Variants in VEZF1 observed in about 807,000 individuals in gnomAD.
The protein encoded by VEZF1 is vascular endothelial zinc finger 1.
Under a neutral mutation model 44.1 loss-of-function variants are expected in VEZF1, and 5 were observed. That is an observed-to-expected ratio of 0.11 (90% confidence interval 0.06 to 0.24). The LOEUF (loss-of-function observed/expected upper bound fraction) is 0.24. VEZF1 is among the 10% of genes least tolerant of loss of function. VEZF1 has a pLI of 1.00. For synonymous variants in VEZF1, 236 were observed against 233.1 expected (o/e 1.01, Z -0.11); for missense variants, 358 against 641.8 (o/e 0.56, Z 4.78).
rs2075151880 is a variant in VEZF1, at chr17:57,972,997, C to T, written c.*1476G>A. 6.6e-6 allele frequency: 1 copy of T among 152,368 alleles called. No individual in the cohort carries two copies. The highest frequency in any genetic ancestry group is 1.5e-5 in the Non-Finnish European group (1 of 68,020). 9.4% of individuals were successfully genotyped at this position (152,368 alleles called of 1,614,324 possible). A position where few individuals can be genotyped will look rare whatever the true frequency, so the allele number is the denominator to read the frequency against. ...TCTGCAAGATTAACACAACTAATTT[C>T]CATTTCTCTTAACTGCAATGATTAA... On this transcript the variant is annotated 3_prime_UTR_variant, in exon 6 of 6. Coordinates refer to ENST00000581208, the MANE Select transcript of VEZF1 (RefSeq NM_007146.3).
intron 1 of VEZF1, chr17:57,985,182 G>T: frequency 1.0e-6 from 1 of 1,000,964 alleles, no homozygotes; most frequent in South Asian, 5.1e-5. Context: ...ACAAAGTTCA[G>T]ACTTATAGCA....
intron 3 of VEZF1, among the ~76,000 whole-genome samples, chr17:57,981,153 C>G (rs982837211): frequency 1.3e-5 from 2 of 152,164 alleles, no homozygotes; most frequent in Non-Finnish European, 2.9e-5. Context: ...CACAAAATTA[C>G]TGGTGGATTA....
chr17:57,975,645 C>T (rs1226493918), intron 5 of VEZF1, among the ~76,000 whole-genome samples: 1 of 152,206 alleles, frequency 6.6e-6, no homozygotes, highest in Non-Finnish European at 1.5e-5. Context: ...CCCATTTCTT[C>T]TTGTTTCTGA....
intron 4 of VEZF1, among the ~76,000 whole-genome samples, chr17:57,979,970 C>CAAAAAAAAAAAA (rs11359148): frequency 5.8e-5 from 4 of 68,420 alleles, no homozygotes; most frequent in Non-Finnish European, 9.9e-5. Context: ...GACTCCGTCT[C>CAAAAAAAAAAAA]AAAAAAAAAA....
chr17:57,975,887 C>G (rs2075185646), intron 5 of VEZF1, among the ~76,000 whole-genome samples: 1 of 152,096 alleles, frequency 6.6e-6, no homozygotes, highest in South Asian at 2.1e-4. Flanking sequence ...AGCCTCAAAC[C>G]CTCAAGGCTC....
rs1473720327 is a variant in VEZF1 at position 57,972,909 on chromosome 17, T to C, written c.*1564A>G. 2.0e-5 allele frequency: 3 copies of C among 152,772 alleles called. No individual in the cohort carries two copies. In the East Asian group the frequency reaches 5.8e-4, roughly 29 times the overall value. The allele number at this position is 152,772 out of a possible 1,614,324, so 9.5% of individuals were successfully genotyped here. A position where few individuals can be genotyped will look rare whatever the true frequency, so the allele number is the denominator to read the frequency against. On this transcript the variant is annotated 3_prime_UTR_variant, in exon 6 of 6. Coordinates refer to ENST00000581208, the MANE Select transcript of VEZF1 (RefSeq NM_007146.3). Reference sequence around the variant, plus strand: ...TCTCAGATGCAAGGTATTTTGATGCTTGAACTGACACAGTAGGGTATAAAT... The same window carrying C: ...TCTCAGATGCAAGGTATTTTGATGCCTGAACTGACACAGTAGGGTATAAAT...
At position 57,979,144 on chromosome 17, in the gene VEZF1, T is replaced by G. The variant is rs1458746986; in HGVS notation, c.1138+8A>C. 6.2e-7 allele frequency: 1 copy of G among 1,611,814 alleles called. No homozygotes were observed. Among genetic ancestry groups the G allele is most frequent in the Non-Finnish European group, 8.5e-7 (1 of 1,179,560 alleles). On this transcript the variant is annotated splice_region_variant and intron_variant, in intron 5 of 5. Coordinates refer to ENST00000581208, the MANE Select transcript of VEZF1 (RefSeq NM_007146.3). The stretch of plus-strand genomic sequence containing the variant: ...GCCATATTTTCAACACTGGAAGCTG[T>G]GCCTTACCTTTCTTCCTTGCTTTAA...
rs188955510 is a variant in VEZF1, at chr17:57,973,409, T to A, written c.*1064A>T. ...TTAAAAAAAGATACACTCTGCATGTTCTGAAGGGGCATACACTACCTAGTT... is the reference window on the plus strand; with the variant it reads ...TTAAAAAAAGATACACTCTGCATGTACTGAAGGGGCATACACTACCTAGTT... On this transcript the variant is annotated 3_prime_UTR_variant, in exon 6 of 6. Coordinates refer to ENST00000581208, the MANE Select transcript of VEZF1 (RefSeq NM_007146.3). 2 of 152,760 alleles carry A rather than the reference T, an allele frequency of 1.3e-5. No homozygotes were observed. Among genetic ancestry groups the A allele is most frequent in the African/African-American group, 4.8e-5 (2 of 41,584 alleles). 9.5% of individuals were successfully genotyped at this position (152,760 alleles called of 1,614,324 possible).
intron 5 of VEZF1, among the ~76,000 whole-genome samples, chr17:57,977,704 C>T (rs530313691): frequency 7.9e-5 from 12 of 151,798 alleles, no homozygotes; most frequent in African/African-American, 2.9e-4. Context: ...ATTAGCTGGG[C>T]GCGGTGGCAC....
chr17:57,980,647 C>T lies in VEZF1; in HGVS notation c.932G>A (p.Ser311Asn), dbSNP rs1158919544. ...ACATGTATTACAGTTGATACTTTGG[C>T]TCTGCCCATGAGTCTTTAAGTGGCT... ...ITSHLKTHGQ[S>N]QSINCNTCKQ... Residue 311 changes from serine (S) to asparagine (N), a missense_variant, in exon 4 of 6, where the codon AGC becomes AAC. Coordinates refer to ENST00000581208, the MANE Select transcript of VEZF1 (RefSeq NM_007146.3). The T allele has an allele frequency of 6.2e-7, 1 of 1,613,458 alleles. No homozygotes were observed. The highest frequency in any genetic ancestry group is 1.3e-5 in the African/African-American group (1 of 74,912).
intron 3 of VEZF1, among the ~76,000 whole-genome samples, chr17:57,981,448 G>C (rs2075248907): frequency 6.6e-6 from 1 of 151,966 alleles, no homozygotes; most frequent in African/African-American, 2.4e-5. Flanking sequence ...TTCCAATTTG[G>C]TAATAACAAA....
At chr17:57,975,522 T>C (rs2075181379) in intron 5 of VEZF1, among the ~76,000 whole-genome samples, 3 of 152,256 alleles carry the variant, frequency 2.0e-5, no homozygotes, top group Non-Finnish European at 4.4e-5. Flanking sequence ...ATCATGTTTG[T>C]TTCAGTTTTA....
intron 1 of VEZF1, among the ~76,000 whole-genome samples, chr17:57,986,345 T>A (rs929181936): frequency 6.6e-6 from 1 of 152,144 alleles, no homozygotes; most frequent in Non-Finnish European, 1.5e-5. Context: ...CCATGCTTAA[T>A]ATGGTTTTTA....
Position 57,974,196 on chromosome 17 carries a change from T to C in VEZF1, c.*277A>G, listed in dbSNP as rs2075165593. 9 of 446,162 alleles carry C rather than the reference T, an allele frequency of 2.0e-5. No homozygotes were observed. The South Asian group carries it at 3.4e-4, about 17-fold the overall frequency. 27.6% of individuals were successfully genotyped at this position (446,162 alleles called of 1,614,324 possible). A position where few individuals can be genotyped will look rare whatever the true frequency, so the allele number is the denominator to read the frequency against. ...AGTGGGTTCTACTTATGATTGGTTT[T>C]AATTCTGGCATTTCATCTTGCCAAC... is the stretch of plus-strand genomic sequence containing the variant. On this transcript the variant is annotated 3_prime_UTR_variant, in exon 6 of 6. Coordinates refer to ENST00000581208, the MANE Select transcript of VEZF1 (RefSeq NM_007146.3).
chr17:57,986,835 T>C (rs1435776242), intron 1 of VEZF1, among the ~76,000 whole-genome samples: 1 of 152,198 alleles, frequency 6.6e-6, no homozygotes, highest in Admixed American at 6.5e-5. Flanking sequence ...GCGCCCCAGC[T>C]ACGCGTTTGG....
At chr17:57,980,343 C>A (rs1226786051) in intron 4 of VEZF1, among the ~76,000 whole-genome samples, 1 of 152,186 alleles carries the variant, frequency 6.6e-6, no homozygotes, top group Admixed American at 6.5e-5. Context: ...CATTTCTCTA[C>A]AGATTTGGGT....
rs2075320666 is a variant in VEZF1 at position 57,988,193 on chromosome 17, C to T, written c.-82G>A. The T allele has an allele frequency of 3.4e-6, 1 of 293,172 alleles. No individual in the cohort carries two copies. Among genetic ancestry groups the T allele is most frequent in the Non-Finnish European group, 5.9e-6 (1 of 169,530 alleles). The allele number at this position is 293,172 out of a possible 1,614,324, so 18.2% of individuals were successfully genotyped here. On this transcript the variant is annotated 5_prime_UTR_variant, in exon 1 of 6. Coordinates refer to ENST00000581208, the MANE Select transcript of VEZF1 (RefSeq NM_007146.3). ...GCCGGAGGAGGCGACAACAAAGCGG[C>T]GGCGGCGGCGGCGGCAACGGCAGCG...
intron 3 of VEZF1, 61 bp from the exon 4 acceptor site, chr17:57,980,847 T>C: frequency 2.6e-6 from 4 of 1,554,082 alleles, no homozygotes; most frequent in Non-Finnish European, 3.5e-6. Context: ...CATTTTGAAG[T>C]ACGTTATATT....
chr17:57,975,912 C>T (rs1023224381), intron 5 of VEZF1, among the ~76,000 whole-genome samples: 6 of 152,174 alleles, frequency 3.9e-5, no homozygotes, highest in African/African-American at 1.4e-4. Flanking sequence ...AATCCTCCCA[C>T]TTTAGTCTAC....
Sources: allele counts gnomAD v4.1 joint callset (sites outside exome capture counted in the v4.1 genomes callset), GRCh38; gene constraint gnomAD v4.1.1; transcripts MANE v1.5; gene names NCBI Gene and HGNC (gene_info 2026-07-23, HGNC 2026-07-21).